Variants in KCTD1 observed in about 807,000 individuals in gnomAD.
KCTD1 encodes BTB/POZ domain-containing protein KCTD1.
A neutral mutation model predicts 66.0 loss-of-function variants in KCTD1; 24 were observed. That is an observed-to-expected ratio of 0.36 (90% CI 0.26 to 0.51). The LOEUF (loss-of-function observed/expected upper bound fraction) is 0.51. KCTD1 is among the 20% of genes least tolerant of loss of function. The pLI is 0.95. For synonymous variants in KCTD1, 511 were observed against 517.2 expected (o/e 0.99, Z 0.16); for missense variants, 943 against 1,205.2 (o/e 0.78, Z 3.22).
At position 26,548,484 on chromosome 18, in the gene KCTD1, G is replaced by GC. The variant is rs1985387430; in HGVS notation, c.52dup (p.Ala18GlyfsTer224). 1 of 1,250,150 alleles carries GC rather than the reference G, an allele frequency of 8.0e-7. No individual in the cohort carries two copies. Among genetic ancestry groups the GC allele is most frequent in the Non-Finnish European group, 1.0e-6 (1 of 1,004,734 alleles). 77.4% of individuals were successfully genotyped at this position (1,250,150 alleles called of 1,614,324 possible). On this transcript the variant is annotated frameshift_variant, in exon 1 of 5. Transcript: ENST00000580059. LOFTEE classifies it high-confidence loss of function. ...CTCGGCGGCGGCGGCGGCAGCGCTG[G>GC]CGCTGCCGCCCGCGCTGGTGTTACA...
At chr18:26,643,249 G>A (rs1987865266), upstream of KCTD1, among the ~76,000 whole-genome samples, 3 of 151,978 alleles carry the variant, frequency 2.0e-5, no homozygotes, top group Admixed American at 2.0e-4. Flanking sequence ...CTTCTTATAG[G>A]AACACTAATA....
chr18:26,593,336 AGAGGAGGAAGAGGAG>A (rs773352258), intron 1 of KCTD1, among the ~76,000 whole-genome samples: 56,337 of 115,390 alleles, frequency 0.49, 14,225 homozygotes, highest in East Asian at 0.82. Flanking sequence ...AGGAGGAGGA[AGAGGAGGAAGAGGAG>A]GAGGAGGAAG....
At position 26,547,297 on chromosome 18, in the gene KCTD1, T is replaced by C. The variant is rs1165865427; in HGVS notation, c.1240A>G (p.Ser414Gly). The C allele has an allele frequency of 6.4e-7, 1 of 1,551,650 alleles. No homozygotes were observed. The highest frequency in any genetic ancestry group is 8.7e-7 in the Non-Finnish European group (1 of 1,146,966). The change falls in exon 1 of 5, where the codon AGC becomes GGC. Residue 414 changes from serine to glycine, a missense_variant. This residue lies in a region of KCTD1 where 79 missense variants were observed against 133.9 expected (regional missense o/e 0.59). Coordinates refer to ENST00000580059, the MANE Select transcript of KCTD1 (RefSeq NM_001142730.3). ...TCGTACCAGGTCACATCGCCCTCGC[T>C]GCAGTGGTCCCGGGGCCGCTGGAAG... is the stretch of plus-strand genomic sequence containing the variant. ...AFFQRPRDHC[S>G]EGDVTWYENK...
chr18:26,598,870 G>T (rs532579532), intron 1 of KCTD1, among the ~76,000 whole-genome samples: 1 of 151,992 alleles, frequency 6.6e-6, no homozygotes, highest in African/African-American at 2.4e-5. Context: ...AGTTGTGAGG[G>T]TTCTTTATAT....
intron 1 of KCTD1, among the ~76,000 whole-genome samples, chr18:26,580,229 T>C (rs1460409083): frequency 6.6e-6 from 1 of 152,198 alleles, no homozygotes; most frequent in East Asian, 1.9e-4. Context: ...CAAACAAGAA[T>C]CACGCGAATG....
At chr18:26,481,528 C>T (rs546409847) in intron 2 of KCTD1, among the ~76,000 whole-genome samples, 52 of 152,192 alleles carry the variant, frequency 3.4e-4, no homozygotes, top group African/African-American at 1.1e-3. Flanking sequence ...CCATGTGAGC[C>T]GGGTCAAGGA....
At chr18:26,490,287 G>C (rs920486558) in intron 2 of KCTD1, among the ~76,000 whole-genome samples, 1 of 152,188 alleles carries the variant, frequency 6.6e-6, no homozygotes, top group Non-Finnish European at 1.5e-5. Flanking sequence ...GGGAGATATA[G>C]ATTAAGTAAA....
chr18:26,573,044 C>A (rs1173254521), intron 1 of KCTD1, among the ~76,000 whole-genome samples: 1 of 148,244 alleles, frequency 6.7e-6, no homozygotes, highest in Non-Finnish European at 1.5e-5. Flanking sequence ...TTTTTTGAGA[C>A]AGAGTCTCGC....
intron 2 of KCTD1, among the ~76,000 whole-genome samples, chr18:26,498,859 AC>A (rs745482031): frequency 3.1e-4 from 47 of 152,206 alleles, no homozygotes; most frequent in Non-Finnish European, 5.6e-4. Context: ...TGAAGTCTTT[AC>A]CTCATAATAT....
intron 1 of KCTD1, among the ~76,000 whole-genome samples, chr18:26,614,703 T>G (rs1391554109): frequency 6.6e-6 from 1 of 152,200 alleles, no homozygotes; most frequent in African/African-American, 2.4e-5. Flanking sequence ...AGGAATTAAG[T>G]GGGTAGTATT....
chr18:26,466,608 G>A (rs1980748647), intron 3 of KCTD1, among the ~76,000 whole-genome samples: 2 of 152,158 alleles, frequency 1.3e-5, no homozygotes, highest in Admixed American at 6.5e-5. Flanking sequence ...ACAAAGAATT[G>A]TTTGGCCCCA....
At chr18:26,533,233 G>A (rs562023861) in intron 1 of KCTD1, among the ~76,000 whole-genome samples, 168 of 152,332 alleles carry the variant, frequency 1.1e-3, no homozygotes, top group African/African-American at 3.2e-3. Flanking sequence ...ATCTAACTGC[G>A]ATTCACACTT....
intron 1 of KCTD1, among the ~76,000 whole-genome samples, chr18:26,516,149 T>G (rs1983645309): frequency 6.7e-6 from 1 of 150,188 alleles, no homozygotes; most frequent in African/African-American, 2.5e-5. Context: ...TGGGAGGGAG[T>G]GAGAAAGAAA....
Position 26,593,658 on chromosome 18 carries a change from A to AGAGGAGGAGGAGGAAGAT in KCTD1, c.-16+35471_-16+35488dup, listed in dbSNP as rs1568003883. ...AGGAGGAAGAGAAGGAAGAGGAGGA[A>AGAGGAGGAGGAGGAAGAT]GAGGAGGAGGAGGAAGATGAGGAGG... is the stretch of plus-strand genomic sequence containing the variant. On this transcript the variant is annotated intron_variant, in intron 1 of 4. Coordinates refer to the KCTD1 transcript ENST00000317932. Among the ~76,000 whole-genome samples the AGAGGAGGAGGAGGAAGAT allele has an allele frequency of 6.8e-4, 42 of 62,122 alleles. 2 individuals carry two copies. The highest frequency in any genetic ancestry group is 1.1e-3 in the Non-Finnish European group (35 of 30,940). The allele number at this position is 62,122 out of a possible 152,430, so 40.8% of individuals were successfully genotyped here.
intron 1 of KCTD1, among the ~76,000 whole-genome samples, chr18:26,617,001 C>A (rs138847085): frequency 6.6e-6 from 1 of 152,138 alleles, no homozygotes; most frequent in East Asian, 1.9e-4. Flanking sequence ...GCAAACCTTG[C>A]CATTATTATT....
chr18:26,531,906 T>C (rs1332382331), intron 1 of KCTD1, among the ~76,000 whole-genome samples: 1 of 152,224 alleles, frequency 6.6e-6, no homozygotes, highest in East Asian at 1.9e-4. Context: ...AAACAAGTGC[T>C]TGCCTTTGTT....
At chr18:26,562,148 T>A (rs1250632777) in intron 1 of KCTD1, among the ~76,000 whole-genome samples, 1 of 152,194 alleles carries the variant, frequency 6.6e-6, no homozygotes, top group Non-Finnish European at 1.5e-5. Context: ...CCTGTATCCA[T>A]AACTGAAACC....
chr18:26,473,589 A>C (rs1252633117), intron 3 of KCTD1, among the ~76,000 whole-genome samples: 1 of 151,252 alleles, frequency 6.6e-6, no homozygotes, highest in Non-Finnish European at 1.5e-5. Context: ...TAATAATAAT[A>C]ATAATAGTAA....
chr18:26,566,642 G>A (rs1232210524), intron 1 of KCTD1: 2 of 152,144 alleles, frequency 1.3e-5, no homozygotes, highest in African/African-American at 4.8e-5. Context: ...TTTGTTCAAA[G>A]AGCATCTGCA....
Sources: gnomAD v4.1 joint callset for allele counts (sites outside exome capture counted in the v4.1 genomes callset) on GRCh38, gnomAD v4.1.1 for gene constraint, gnomAD v4.1.1 regional missense constraint, MANE v1.5 for transcripts, NCBI Gene and HGNC (gene_info 2026-07-23, HGNC 2026-07-21) for gene names.